The following PDK1 variants were observed in gnomAD, a reference collection of about 807,000 sequenced individuals.
PDK1 encodes the protein pyruvate dehydrogenase kinase 1.
In PDK1, 39 loss-of-function variants were observed where a neutral mutation model predicts 54.2. The ratio of observed to expected loss-of-function variants is 0.72; its 90% CI spans 0.56 to 0.94. The LOEUF is 0.94. Ranked by LOEUF, PDK1 falls within the 40% of genes least tolerant of loss-of-function variation. The pLI, the probability that PDK1 is intolerant of heterozygous loss-of-function variation, is 0.00. For missense variants in PDK1, 552 were observed against 566.0 expected (o/e 0.98, Z 0.25); for synonymous variants, 221 against 207.1 (o/e 1.07, Z -0.58).
the PDK1 span, among the ~76,000 whole-genome samples, chr2:172,630,240 T>G: frequency 6.6e-6 from 1 of 152,268 alleles, no homozygotes; most frequent in Non-Finnish European, 1.5e-5. Context: ...GCTTCCCCTC[T>G]GTAAACCTAT....
chr2:172,566,780 T>C, intron 5 of PDK1, 76 bp from the exon 6 acceptor site: 1 of 841,430 alleles, frequency 1.2e-6, no homozygotes, highest in Non-Finnish European at 1.9e-6. Flanking sequence ...GATTTGTCAA[T>C]ACCATTGCCA....
the PDK1 span, among the ~76,000 whole-genome samples, chr2:172,649,302 G>A: frequency 2.6e-5 from 4 of 152,062 alleles, no homozygotes; most frequent in African/African-American, 9.7e-5. Flanking sequence ...TAACAGAAAG[G>A]ACATCCACAC....
chr2:172,705,846 T>A, the PDK1 span, among the ~76,000 whole-genome samples: 1 of 152,240 alleles, frequency 6.6e-6, no homozygotes, highest in Non-Finnish European at 1.5e-5. Flanking sequence ...CTTTGTAAAC[T>A]TGAGTTTCTA....
the PDK1 span, among the ~76,000 whole-genome samples, chr2:172,713,199 C>T: frequency 6.6e-5 from 10 of 152,220 alleles, no homozygotes; most frequent in African/African-American, 1.7e-4. Flanking sequence ...GGGAGGTCGT[C>T]CTGCCATCTG....
chr2:172,626,950 T>TA, the PDK1 span, among the ~76,000 whole-genome samples: 1 of 152,052 alleles, frequency 6.6e-6, no homozygotes, highest in South Asian at 2.1e-4. Context: ...ATGAAAGACA[T>TA]ACAACATCAA....
At chr2:172,658,736 AG>A in the PDK1 span, among the ~76,000 whole-genome samples, 1 of 152,162 alleles carries the variant, frequency 6.6e-6, no homozygotes, top group Non-Finnish European at 1.5e-5. Context: ...TATGCAGTCA[AG>A]ATAAGGACTG....
chr2:172,557,002 A>G (rs771049993), intron 1 of PDK1, among the ~76,000 whole-genome samples: 14 of 152,238 alleles, frequency 9.2e-5, no homozygotes, highest in Non-Finnish European at 1.9e-4. Context: ...AGGCATTTTA[A>G]CTTTTACATC....
the PDK1 span, among the ~76,000 whole-genome samples, chr2:172,700,213 C>T: frequency 6.6e-6 from 1 of 152,214 alleles, no homozygotes; most frequent in South Asian, 2.1e-4. Context: ...CACTTCCCCC[C>T]TTTCTATTCG....
At chr2:172,646,013 C>T in the PDK1 span, among the ~76,000 whole-genome samples, 2 of 152,166 alleles carry the variant, frequency 1.3e-5, no homozygotes, top group Admixed American at 1.3e-4. Flanking sequence ...TCTTTATAAA[C>T]ATGTACCTTT....
the PDK1 span, among the ~76,000 whole-genome samples, chr2:172,661,522 G>A: frequency 6.6e-6 from 1 of 152,254 alleles, no homozygotes; most frequent in African/African-American, 2.4e-5. Flanking sequence ...TGCGGTTGGA[G>A]TTTTTACATC....
downstream of PDK1, among the ~76,000 whole-genome samples, chr2:172,612,595 G>A (rs963067447): frequency 6.6e-6 from 1 of 152,004 alleles, no homozygotes; most frequent in African/African-American, 2.4e-5. Context: ...ATTTTAAAAT[G>A]TACTAATAGT....
chr2:172,642,776 C>T, the PDK1 span, among the ~76,000 whole-genome samples: 1 of 132,526 alleles, frequency 7.5e-6, no homozygotes, highest in Non-Finnish European at 1.6e-5. Context: ...CTTCCTTCTC[C>T]TCCTCCTCCC....
At chr2:172,690,166 C>T in the PDK1 span, among the ~76,000 whole-genome samples, 2 of 150,290 alleles carry the variant, frequency 1.3e-5, no homozygotes. Flanking sequence ...AAAAAACAAA[C>T]AACCGCATCA....
At chr2:172,610,364 G>T (rs1691423070), downstream of PDK1, among the ~76,000 whole-genome samples, 1 of 152,010 alleles carries the variant, frequency 6.6e-6, no homozygotes, top group South Asian at 2.1e-4. Context: ...GCCTCTCAGA[G>T]CTCTGAGCAT....
At chr2:172,711,091 T>C in the PDK1 span, among the ~76,000 whole-genome samples, 13 of 152,366 alleles carry the variant, frequency 8.5e-5, no homozygotes, top group African/African-American at 2.4e-4. Flanking sequence ...TAAGCCTAGA[T>C]TGGAATTTTG....
chr2:172,660,243 C>CTTT, the PDK1 span, among the ~76,000 whole-genome samples: 7 of 34,184 alleles, frequency 2.0e-4, no homozygotes, highest in Non-Finnish European at 4.9e-4. Context: ...CTCTCTCTCT[C>CTTT]TCTCTTTTTT....
the PDK1 span, among the ~76,000 whole-genome samples, chr2:172,656,602 A>G: frequency 1.3e-5 from 2 of 152,080 alleles, no homozygotes; most frequent in East Asian, 1.9e-4. Context: ...AGCCTCTAGT[A>G]TATTGCAAAA....
chr2:172,613,630 C>T (rs953504818), downstream of PDK1, among the ~76,000 whole-genome samples: 4 of 152,070 alleles, frequency 2.6e-5, no homozygotes, highest in Non-Finnish European at 4.4e-5. Context: ...GACTTTTTAA[C>T]TTATTCCCTA....
At chr2:172,700,586 ACTT>A in the PDK1 span, among the ~76,000 whole-genome samples, 1 of 152,118 alleles carries the variant, frequency 6.6e-6, no homozygotes, top group Non-Finnish European at 1.5e-5. Flanking sequence ...GACGCTCCTC[ACTT>A]CTTAGACGGG....
Sources: allele counts gnomAD v4.1 joint callset (sites outside exome capture counted in the v4.1 genomes callset), GRCh38; gene constraint gnomAD v4.1.1; transcripts MANE v1.5; gene names NCBI Gene and HGNC (gene_info 2026-07-23, HGNC 2026-07-21).